Variants in BRINP1 observed in about 807,000 individuals in gnomAD.
The protein encoded by BRINP1 is BMP/retinoic acid inducible neural specific 1.
Under a neutral mutation model 72.9 loss-of-function variants are expected in BRINP1, and 17 were observed. The ratio of observed to expected loss-of-function variants is 0.23; its 90% CI spans 0.16 to 0.35. BRINP1 has a LOEUF of 0.35. Ranked by LOEUF, BRINP1 falls within the 10% of genes least tolerant of loss-of-function variation. The probability of loss-of-function intolerance (pLI) is 1.00; values close to 1 mark genes in which losing one functional copy is unlikely to be tolerated. For missense variants in BRINP1, 850 were observed against 1,001.6 expected, an observed-to-expected ratio of 0.85 and a Z score of 2.04; for synonymous variants, 418 against 378.5, an observed-to-expected ratio of 1.10 and a Z score of -1.21.
intron 5 of BRINP1, among the ~76,000 whole-genome samples, chr9:119,223,373 T>C (rs1258944265): frequency 6.6e-6 from 1 of 152,084 alleles, no homozygotes; most frequent in Non-Finnish European, 1.5e-5. Context: ...GAGCTCTTAG[T>C]ACAGGGTAGT....
intron 2 of BRINP1, among the ~76,000 whole-genome samples, chr9:119,308,169 G>A (rs1272467058): frequency 6.6e-6 from 1 of 151,972 alleles, no homozygotes; most frequent in African/African-American, 2.4e-5. Context: ...AAAATAAATG[G>A]GTGTTCTTTT....
At chr9:119,284,050 T>C (rs1830737106) in intron 2 of BRINP1, among the ~76,000 whole-genome samples, 1 of 152,266 alleles carries the variant, frequency 6.6e-6, no homozygotes, top group African/African-American at 2.4e-5. Flanking sequence ...TTTAATGAGA[T>C]CCTCAGCTGA....
chr9:119,170,385 T>A (rs1428555269), intron 7 of BRINP1, among the ~76,000 whole-genome samples: 4 of 150,336 alleles, frequency 2.7e-5, no homozygotes, highest in Non-Finnish European at 5.9e-5. Context: ...GTATCAGCAA[T>A]GGAAGATGAA....
At chr9:119,192,775 C>G (rs1393139774) in intron 7 of BRINP1, among the ~76,000 whole-genome samples, 1 of 152,060 alleles carries the variant, frequency 6.6e-6, no homozygotes, top group Non-Finnish European at 1.5e-5. Context: ...GAAATCAGCA[C>G]AGATAAAGAT....
chr9:119,358,605 A>C (rs908361486), intron 1 of BRINP1, among the ~76,000 whole-genome samples: 1 of 152,116 alleles, frequency 6.6e-6, no homozygotes, highest in African/African-American at 2.4e-5. Context: ...GAGGCAGGAG[A>C]ATCACTTGAA....
At chr9:119,303,164 C>T (rs1001473143) in intron 2 of BRINP1, among the ~76,000 whole-genome samples, 3 of 152,080 alleles carry the variant, frequency 2.0e-5, no homozygotes, top group African/African-American at 7.2e-5. Context: ...ATGCTAGAGT[C>T]GCAGAGAGGC....
chr9:119,167,359 T>G lies in BRINP1; in HGVS notation c.2011A>C (p.Ser671Arg). The change falls in exon 8 of 8, where the codon AGT becomes CGT. Residue 671 changes from serine (S) to arginine (R), a missense_variant. Physicochemically the swap from Ser to Arg is moderately radical, Grantham distance 110. Coordinates refer to ENST00000265922, the MANE Select transcript of BRINP1 (RefSeq NM_014618.3). This position sits in a 1 kb window ranked among gnomAD's most constrained non-coding sequence, Gnocchi z 4.3. ...GACTGGTTGACCTGCTGCACTGCAC[T>G]GCGCAGGAGGTCGGCGTTGAACCTC... Reference protein sequence around the residue: ...SLRFNADLLRSAVQQVNQSYT... With the variant: ...SLRFNADLLRRAVQQVNQSYT... 6.2e-7 allele frequency: 1 copy of G among 1,614,122 alleles called. No homozygotes were observed. The highest frequency in any genetic ancestry group is 8.5e-7 in the Non-Finnish European group (1 of 1,180,016).
chr9:119,318,862 T>C (rs1448994580), intron 1 of BRINP1, among the ~76,000 whole-genome samples: 2 of 151,476 alleles, frequency 1.3e-5, no homozygotes, highest in Non-Finnish European at 2.9e-5. Flanking sequence ...TGTGTGTGTG[T>C]GTGTGTGTGT....
intron 1 of BRINP1, among the ~76,000 whole-genome samples, chr9:119,362,098 G>A (rs190090101): frequency 1.3e-4 from 19 of 142,842 alleles, no homozygotes; most frequent in Non-Finnish European, 2.4e-4. Context: ...GATTACAGGC[G>A]TGAGCCACCA....
chr9:119,240,274 GACA>G (rs1227326725), intron 4 of BRINP1, among the ~76,000 whole-genome samples: 2 of 151,942 alleles, frequency 1.3e-5, no homozygotes, highest in South Asian at 2.1e-4. Flanking sequence ...ATCTCAAAAA[GACA>G]ACAACAACAA....
chr9:119,262,971 C>G lies in BRINP1; in HGVS notation c.219-13821G>C, dbSNP rs76674901. Among the ~76,000 whole-genome samples, 427 of 152,124 alleles carry G rather than the reference C, an allele frequency of 2.8e-3. 2 individuals are homozygous for G. Among genetic ancestry groups the G allele is most frequent in the African/African-American group, 9.8e-3 (406 of 41,494 alleles). On this transcript the variant is annotated intron_variant, in intron 2 of 7. Transcript: ENST00000265922. ...TATAGACAAAGAATGTACATTTTGCCGGAGGAAGTACAAATAATAACATTC... is the reference window on the plus strand; with the variant it reads ...TATAGACAAAGAATGTACATTTTGCGGGAGGAAGTACAAATAATAACATTC...
At chr9:119,366,503 CGTGTGTGTGTGTGTGTGTGTGTGTGT>C (rs3983901) in intron 1 of BRINP1, among the ~76,000 whole-genome samples, 212 of 136,308 alleles carry the variant, frequency 1.6e-3, no homozygotes, top group South Asian at 0.012. Context: ...CCCCCACCAC[CGTGTGTGTGTGTGTGTGTGTGTGTGT>C]GTGTGTGTGT....
chr9:119,336,294 C>T (rs933221001), intron 1 of BRINP1, among the ~76,000 whole-genome samples: 1 of 152,176 alleles, frequency 6.6e-6, no homozygotes. Flanking sequence ...CATCTTCATG[C>T]CTCCTCCTGC....
chr9:119,263,598 A>ATTATT (rs1554752039), intron 2 of BRINP1, among the ~76,000 whole-genome samples: 1 of 51,758 alleles, frequency 1.9e-5, no homozygotes, highest in African/African-American at 6.0e-5. Context: ...CCAGTAAACA[A>ATTATT]TTCTTTTTTT....
chr9:119,233,103 A>G (rs1830162850), intron 5 of BRINP1, among the ~76,000 whole-genome samples: 1 of 151,834 alleles, frequency 6.6e-6, no homozygotes, highest in Non-Finnish European at 1.5e-5. Context: ...AAGTCATTAG[A>G]GTGCCATTGA....
intron 2 of BRINP1, 48 bp downstream of exon 2, chr9:119,313,090 A>T (rs775851830): frequency 6.3e-7 from 1 of 1,582,258 alleles, no homozygotes; most frequent in Admixed American, 1.7e-5. Context: ...CTGACTCCAC[A>T]AAGCATAATA....
intron 5 of BRINP1, among the ~76,000 whole-genome samples, chr9:119,215,524 AT>A (rs1207057731): frequency 3.3e-5 from 5 of 151,986 alleles, no homozygotes; most frequent in South Asian, 2.1e-4. Flanking sequence ...TATTTGGATT[AT>A]TTTTTTTCTC....
intron 7 of BRINP1, among the ~76,000 whole-genome samples, chr9:119,191,272 A>G (rs1212819183): frequency 6.6e-6 from 1 of 152,004 alleles, no homozygotes; most frequent in Non-Finnish European, 1.5e-5. Context: ...CAGTACTGGA[A>G]GTACTAGCAA....
chr9:119,202,913 T>C (rs1405677939), intron 7 of BRINP1, among the ~76,000 whole-genome samples: 1 of 152,148 alleles, frequency 6.6e-6, no homozygotes, highest in East Asian at 1.9e-4. Flanking sequence ...TCAGGAAATG[T>C]ATGCTGAGTT....
Sources: gnomAD v4.1 joint callset for allele counts (sites outside exome capture counted in the v4.1 genomes callset) on GRCh38, gnomAD v4.1.1 for gene constraint, Gnocchi (gnomAD v3.1) non-coding constraint, MANE v1.5 for transcripts, NCBI Gene and HGNC (gene_info 2026-07-23, HGNC 2026-07-21) for gene names.